Variants in KCNAB2 observed in about 807,000 individuals in gnomAD.
KCNAB2 encodes voltage-gated potassium channel subunit beta-2.
In KCNAB2, 29 loss-of-function variants were observed where a neutral mutation model predicts 63.6. That is an observed-to-expected ratio of 0.46 (90% CI 0.34 to 0.62). KCNAB2 has a LOEUF of 0.62. Among genes scored for constraint, KCNAB2 ranks in the 20% least tolerant of loss-of-function variants. KCNAB2 has a pLI of 0.01. For missense variants in KCNAB2, 359 were observed against 563.9 expected (o/e 0.64, Z 3.68); for synonymous variants, 222 against 224.2 (o/e 0.99, Z 0.09).
chr1:6,076,914 G>A (rs956285165), intron 4 of KCNAB2, among the ~76,000 whole-genome samples: 6 of 152,200 alleles, frequency 3.9e-5, no homozygotes, highest in East Asian at 1.9e-4. Flanking sequence ...GTCTAGGGGC[G>A]GTGGCTCATG....
chr1:5,993,624 C>T (rs1489177530), intron 1 of KCNAB2, among the ~76,000 whole-genome samples: 1 of 152,220 alleles, frequency 6.6e-6, no homozygotes, highest in Non-Finnish European at 1.5e-5. Flanking sequence ...CAGCCGCATC[C>T]TGGTGTCCCT....
rs781336837 is a variant in KCNAB2 at position 6,077,650 on chromosome 1, G to A, written c.300+3880G>A. Among the ~76,000 whole-genome samples, 11 of 152,212 alleles carry A rather than the reference G, an allele frequency of 7.2e-5. 1 individual carries two copies. The South Asian group carries it at 8.3e-4, about 11-fold the overall frequency. On this transcript the variant is annotated intron_variant, in intron 4 of 15. Transcript: ENST00000378083. The stretch of plus-strand genomic sequence containing the variant: ...GGTGTGTTCAGGGCCACCGTGCTCC[G>A]GAGCGGAGAGCGCCGAGCCCTTTGT...
chr1:6,060,168 G>T (rs1557466563), intron 2 of KCNAB2, among the ~76,000 whole-genome samples: 2 of 152,192 alleles, frequency 1.3e-5, no homozygotes, highest in African/African-American at 4.8e-5. Context: ...TCTGCTCTCA[G>T]GAGAAGGACA....
chr1:6,035,462 C>T lies in KCNAB2; in HGVS notation c.-53+668C>T, dbSNP rs1252561813. Among the ~76,000 whole-genome samples, 2 of 152,082 alleles carry T rather than the reference C, an allele frequency of 1.3e-5. No homozygotes were observed. Among genetic ancestry groups the T allele is most frequent in the African/African-American group, 2.4e-5 (1 of 41,412 alleles). On this transcript the variant is annotated intron_variant, in intron 1 of 15. Coordinates refer to the KCNAB2 transcript ENST00000164247. The surrounding 1 kb of genome is among the most constrained non-coding windows in gnomAD (Gnocchi z 5.0). ...GGAGCAGCATGAGAGCCGGTGGCAGCTGGGCAGGAGAGGAGACAGGGAGAG... is the reference window on the plus strand; with the variant it reads ...GGAGCAGCATGAGAGCCGGTGGCAGTTGGGCAGGAGAGGAGACAGGGAGAG...
intron 10 of KCNAB2, among the ~76,000 whole-genome samples, chr1:6,093,144 A>G (rs906423973): frequency 6.6e-6 from 1 of 152,230 alleles, no homozygotes; most frequent in African/African-American, 2.4e-5. Context: ...CCCCACTCCC[A>G]GCATTTTCAG....
rs1281028029 is a variant in KCNAB2 at position 6,068,701 on chromosome 1, C to G, written c.219-4054C>G. Reference sequence around the variant, plus strand: ...GGTACCTGCGTCATGAGTTGCTGCACAGGGACTGTCCCAGGGCCACAGCCA... The same window carrying G: ...GGTACCTGCGTCATGAGTTGCTGCAGAGGGACTGTCCCAGGGCCACAGCCA... On this transcript the variant is annotated intron_variant, in intron 2 of 15. Transcript: ENST00000378083. 3.3e-5 allele frequency among the ~76,000 whole-genome samples: 5 copies of G among 152,168 alleles called. No homozygotes were observed. The East Asian group carries it at 9.6e-4, about 29-fold the overall frequency.
intron 1 of KCNAB2, among the ~76,000 whole-genome samples, chr1:6,025,014 C>T (rs754376001): frequency 3.3e-5 from 5 of 152,206 alleles, no homozygotes; most frequent in South Asian, 2.1e-4. Flanking sequence ...CCCAGCTCTC[C>T]GTCATGGCGC....
At chr1:6,012,632 G>A (rs1469133700) in intron 1 of KCNAB2, among the ~76,000 whole-genome samples, 2 of 150,702 alleles carry the variant, frequency 1.3e-5, no homozygotes, top group Non-Finnish European at 3.0e-5. Context: ...GGTGGGTGGA[G>A]GTGGAGATGG....
At chr1:6,012,212 CGGAGGTGATGGGT>C (rs1658205579) in intron 1 of KCNAB2, among the ~76,000 whole-genome samples, 12 of 77,432 alleles carry the variant, frequency 1.5e-4, no homozygotes, top group East Asian at 4.3e-4. Flanking sequence ...GTGATGAAGG[CGGAGGTGATGGGT>C]GGAGGTGGAG....
intron 2 of KCNAB2, among the ~76,000 whole-genome samples, chr1:6,068,123 A>G (rs1033259102): frequency 1.3e-5 from 2 of 152,256 alleles, no homozygotes; most frequent in African/African-American, 2.4e-5. Context: ...TGTCAGTCCT[A>G]GGATCTCAAA....
intron 1 of KCNAB2, among the ~76,000 whole-genome samples, chr1:6,017,402 CTGGCTGTGTGTGTG>C (rs1658568723): frequency 8.5e-6 from 1 of 117,118 alleles, no homozygotes; most frequent in African/African-American, 3.1e-5. Context: ...ATCACCATAC[CTGGCTGTGTGTGTG>C]TGTGTGTGTG....
At chr1:6,085,377 T>C in intron 6 of KCNAB2, 129 bp downstream of exon 6, 1 of 815,358 alleles carries the variant, frequency 1.2e-6, no homozygotes, top group Non-Finnish European at 2.0e-6. Flanking sequence ...TGCTGGGAAG[T>C]GGAGAGGAAA....
At position 6,095,647 on chromosome 1, in the gene KCNAB2, A is replaced by T. The variant is rs544138967; in HGVS notation, c.948+23A>T. On this transcript the variant is annotated intron_variant, in intron 13 of 15. Coordinates refer to ENST00000378083, the MANE Select transcript of KCNAB2 (RefSeq NM_001199862.2). ...AAGGTGAAGGAACAGCCTGGTGGGG[A>T]GGGACGGGCAGGGGATAGGCATTTT... The T allele has an allele frequency of 1.1e-5, 18 of 1,603,534 alleles. No homozygotes were observed. The African/African-American group carries it at 2.0e-4, about 18-fold the overall frequency.
chr1:6,045,351 G>A (rs2100492043), upstream of KCNAB2, among the ~76,000 whole-genome samples: 1 of 152,296 alleles, frequency 6.6e-6, no homozygotes, highest in East Asian at 1.9e-4. The surrounding 1 kb of genome is among the most constrained non-coding windows in gnomAD (Gnocchi z 4.8). Flanking sequence ...ATGACCCTGG[G>A]GTTGGGGCTC....
chr1:6,075,702 G>C (rs562532170), intron 4 of KCNAB2, among the ~76,000 whole-genome samples: 1 of 152,342 alleles, frequency 6.6e-6, no homozygotes, highest in Admixed American at 6.5e-5. Flanking sequence ...GTCCTGGACT[G>C]CTTTTTTTGT....
chr1:6,000,517 C>T (rs1261354244), intron 1 of KCNAB2, among the ~76,000 whole-genome samples: 7 of 152,182 alleles, frequency 4.6e-5, no homozygotes, highest in Admixed American at 3.3e-4. Context: ...CATGCTCTCT[C>T]TCCATCCCAA....
At chr1:6,092,599 A>G (rs1665281980) in intron 10 of KCNAB2, among the ~76,000 whole-genome samples, 1 of 152,238 alleles carries the variant, frequency 6.6e-6, no homozygotes, top group African/African-American at 2.4e-5. Flanking sequence ...CTAAAAAACC[A>G]CAAGGCCGGG....
intron 2 of KCNAB2, among the ~76,000 whole-genome samples, chr1:6,059,606 C>G (rs1041217834): frequency 1.3e-5 from 2 of 151,360 alleles, no homozygotes; most frequent in Non-Finnish European, 2.9e-5. Context: ...GCGCCGTGGT[C>G]ATTGTTGTTG....
At chr1:6,072,720 G>C in intron 2 of KCNAB2, 35 bp from the exon 3 acceptor site, 9 of 1,612,592 alleles carry the variant, frequency 5.6e-6, no homozygotes, top group Non-Finnish European at 6.8e-6. Context: ...GGTCCTGCCT[G>C]GGTGCTGAGA....
Sources: allele counts gnomAD v4.1 joint callset (sites outside exome capture counted in the v4.1 genomes callset), GRCh38; gene constraint gnomAD v4.1.1; non-coding constraint Gnocchi (gnomAD v3.1); transcripts MANE v1.5; gene names NCBI Gene and HGNC (gene_info 2026-07-23, HGNC 2026-07-21).